The following RBFOX1 variants were observed in gnomAD, a reference collection of about 807,000 sequenced individuals.
The protein encoded by RBFOX1 is RNA binding fox-1 homolog 1.
In RBFOX1, 8 loss-of-function variants were observed where a neutral mutation model predicts 57.7. That is an observed-to-expected ratio of 0.14 (90% CI 0.08 to 0.25). The LOEUF is 0.25. RBFOX1 is among the 10% of genes least tolerant of loss of function. RBFOX1 has a pLI of 1.00. For missense variants in RBFOX1, 611 were observed against 548.5 expected (o/e 1.11, Z -1.14); for synonymous variants, 326 against 222.4 (o/e 1.47, Z -4.15).
chr16:6,070,976 T>C (rs2152484651), intron 1 of RBFOX1, among the ~76,000 whole-genome samples: 1 of 152,296 alleles, frequency 6.6e-6, no homozygotes, highest in Non-Finnish European at 1.5e-5. Context: ...TTAGTGAGCA[T>C]TTTCTATACC....
chr16:5,582,542 C>T (rs922597516), intron 2 of RBFOX1, among the ~76,000 whole-genome samples: 13 of 145,024 alleles, frequency 9.0e-5, no homozygotes, highest in Non-Finnish European at 1.0e-4. Flanking sequence ...TTTCAAAGCA[C>T]GTCACTTTTT....
At chr16:5,585,833 A>T (rs1338923147) in intron 2 of RBFOX1, among the ~76,000 whole-genome samples, 3 of 152,232 alleles carry the variant, frequency 2.0e-5, no homozygotes, top group South Asian at 4.1e-4. Flanking sequence ...ATTCGTGTGA[A>T]GTAGAACAAA....
At chr16:5,355,008 T>TGA (rs138001339) in intron 1 of RBFOX1, among the ~76,000 whole-genome samples, 1 of 151,016 alleles carries the variant, frequency 6.6e-6, no homozygotes, top group Admixed American at 6.6e-5. Flanking sequence ...TATGTGTATA[T>TGA]GAGAGAGAGA....
At chr16:6,432,025 G>A (rs1484693377) in intron 2 of RBFOX1, among the ~76,000 whole-genome samples, 2 of 151,126 alleles carry the variant, frequency 1.3e-5, no homozygotes, top group Admixed American at 6.6e-5. Context: ...GCCACTGCAC[G>A]ACTATAGCTT....
chr16:5,908,331 T>TAG (rs2058526604), intron 4 of RBFOX1, among the ~76,000 whole-genome samples: 1 of 132,944 alleles, frequency 7.5e-6, no homozygotes, highest in Non-Finnish European at 1.6e-5. Flanking sequence ...CACATATATA[T>TAG]ATGTGTGTGT....
chr16:7,033,689 A>G (rs1191310372), intron 3 of RBFOX1, among the ~76,000 whole-genome samples: 2 of 152,134 alleles, frequency 1.3e-5, no homozygotes, highest in Non-Finnish European at 2.9e-5. Context: ...TTGGTTCCCT[A>G]TTGAACAGTA....
chr16:7,644,185 C>CTTGAACCATAG (rs2063328060), intron 11 of RBFOX1, among the ~76,000 whole-genome samples: 1 of 152,064 alleles, frequency 6.6e-6, no homozygotes, highest in African/African-American at 2.4e-5. Flanking sequence ...TGGTTCAAAC[C>CTTGAACCATAG]GCTGGGTGAG....
chr16:7,077,942 C>G (rs892887996), intron 4 of RBFOX1, among the ~76,000 whole-genome samples: 5 of 152,076 alleles, frequency 3.3e-5, no homozygotes, highest in Non-Finnish European at 7.4e-5. Flanking sequence ...CTCATTAGGC[C>G]AAACAGAGAG....
At chr16:7,286,389 G>C (rs2095651126) in intron 4 of RBFOX1, among the ~76,000 whole-genome samples, 1 of 150,748 alleles carries the variant, frequency 6.6e-6, no homozygotes, top group African/African-American at 2.4e-5. Flanking sequence ...AGCCTATCTT[G>C]TGAAAATGCT....
chr16:5,607,635 A>G (rs898557073), intron 3 of RBFOX1, among the ~76,000 whole-genome samples: 2 of 152,152 alleles, frequency 1.3e-5, no homozygotes, highest in Non-Finnish European at 2.9e-5. Context: ...TGTTCTTGAA[A>G]TGAGTGAATG....
chr16:5,291,554 C>T (rs150695863), intron 1 of RBFOX1, among the ~76,000 whole-genome samples: 51 of 152,220 alleles, frequency 3.4e-4, no homozygotes, highest in East Asian at 1.2e-3. Flanking sequence ...ATGTGTCACG[C>T]GCCTGGCCGA....
At chr16:6,729,873 A>G (rs1233198444) in intron 3 of RBFOX1, among the ~76,000 whole-genome samples, 1 of 152,190 alleles carries the variant, frequency 6.6e-6, no homozygotes, top group Non-Finnish European at 1.5e-5. Context: ...AAAGCTGCTT[A>G]GAAACGAGAA....
At chr16:7,351,927 C>T (rs745792956) in intron 4 of RBFOX1, among the ~76,000 whole-genome samples, 5 of 152,104 alleles carry the variant, frequency 3.3e-5, no homozygotes, top group Non-Finnish European at 5.9e-5. Context: ...CCAGGAAAAG[C>T]CCACAGTGAC....
intron 1 of RBFOX1, among the ~76,000 whole-genome samples, chr16:5,389,354 G>A (rs1158806922): frequency 2.0e-5 from 3 of 152,072 alleles, no homozygotes; most frequent in Admixed American, 6.5e-5. Context: ...GACGTTTGGG[G>A]CTGGATCATT....
intron 1 of RBFOX1, among the ~76,000 whole-genome samples, chr16:5,459,997 C>T (rs1456383284): frequency 6.6e-6 from 1 of 152,214 alleles, no homozygotes; most frequent in Admixed American, 6.5e-5. Flanking sequence ...CTCCTTCCTA[C>T]ACTTGCATGT....
intron 4 of RBFOX1, among the ~76,000 whole-genome samples, chr16:7,292,643 G>T (rs990613578): frequency 5.3e-5 from 8 of 151,478 alleles, no homozygotes; most frequent in Non-Finnish European, 1.2e-4. Flanking sequence ...GATGCCAAGC[G>T]AGAGTTTTTT....
At chr16:7,113,462 C>T (rs1297581526) in intron 4 of RBFOX1, among the ~76,000 whole-genome samples, 1 of 152,146 alleles carries the variant, frequency 6.6e-6, no homozygotes, top group South Asian at 2.1e-4. Context: ...CCTCCCACTT[C>T]CCTTTCGATC....
intron 1 of RBFOX1, among the ~76,000 whole-genome samples, chr16:6,031,224 A>G (rs980444770): frequency 2.0e-5 from 3 of 152,096 alleles, no homozygotes; most frequent in Non-Finnish European, 4.4e-5. Flanking sequence ...AGAGGAGACC[A>G]TGGTGAGCAG....
intron 2 of RBFOX1, among the ~76,000 whole-genome samples, chr16:6,558,700 A>G (rs141111990): frequency 6.6e-6 from 1 of 152,110 alleles, no homozygotes; most frequent in Admixed American, 6.5e-5. Context: ...GTGCTTATTC[A>G]TTCCCTCCGT....
Sources: gnomAD v4.1 joint callset for allele counts (sites outside exome capture counted in the v4.1 genomes callset) on GRCh38, gnomAD v4.1.1 for gene constraint, MANE v1.5 for transcripts, NCBI Gene and HGNC (gene_info 2026-07-23, HGNC 2026-07-21) for gene names.